Variants in LIMS2 observed in about 807,000 individuals in gnomAD.
LIMS2 encodes LIM zinc finger domain containing 2, also known as LIM and senescent cell antigen-like-containing domain protein 2.
Under a neutral mutation model 45.3 loss-of-function variants are expected in LIMS2, and 30 were observed. The observed-to-expected ratio is 0.66, with a 90% CI of 0.50 to 0.90. The LOEUF is 0.90. Among genes scored for constraint, LIMS2 ranks in the 40% least tolerant of loss-of-function variants. LIMS2 has a pLI of 0.00. For synonymous variants in LIMS2, 173 were observed against 188.0 expected (o/e 0.92, Z 0.65); for missense variants, 485 against 468.7 (o/e 1.03, Z -0.32).
chr2:127,641,905 G>C (rs539934079), intron 6 of LIMS2, 144 bp downstream of exon 6: 1 of 956,728 alleles, frequency 1.0e-6, no homozygotes, highest in Non-Finnish European at 1.5e-6. Flanking sequence ...GCACAGGGAG[G>C]GGCAGTACCC....
At chr2:127,652,047 G>T in intron 4 of LIMS2, 1 of 421,666 alleles carries the variant, frequency 2.4e-6, no homozygotes. Flanking sequence ...CCTGAACAAT[G>T]GAGGCCTTTC....
At chr2:127,665,038 G>T (rs562458103) in intron 1 of LIMS2, among the ~76,000 whole-genome samples, 1 of 152,296 alleles carries the variant, frequency 6.6e-6, no homozygotes, top group Admixed American at 6.5e-5. Context: ...GCTTCCAGGG[G>T]AGCAGACGCA....
chr2:127,639,321 C>A lies in LIMS2; in HGVS notation c.986G>T (p.Arg329Leu). The part of the protein sequence containing the change: ...RLKKLSELTS[R>L]KAQPKATDLN... ...GTCTGTGGCCTTGGGCTGGGCCTTG[C>A]GGGAGGTCAGCTCCGACAGCTTCTT... The change falls in exon 10 of 10, where the codon CGC (arginine) becomes CTC (leucine). Residue 329 changes from arginine to leucine, a missense_variant. Coordinates refer to ENST00000355119, the MANE Select transcript of LIMS2 (RefSeq NM_001161403.3). 1 of 1,613,862 alleles carries A rather than the reference C, an allele frequency of 6.2e-7. No individual in the cohort carries two copies. Among genetic ancestry groups the A allele is most frequent in the Non-Finnish European group, 8.5e-7 (1 of 1,179,904 alleles).
chr2:127,657,814 A>C (rs1321616167), intron 1 of LIMS2, among the ~76,000 whole-genome samples: 1 of 152,188 alleles, frequency 6.6e-6, no homozygotes, highest in East Asian at 1.9e-4. Context: ...AGAGTCTCGC[A>C]CACAGAACAC....
intron 1 of LIMS2, among the ~76,000 whole-genome samples, chr2:127,662,620 A>G (rs1462249356): frequency 1.9e-5 from 2 of 106,000 alleles, no homozygotes; most frequent in Non-Finnish European, 3.6e-5. Flanking sequence ...CACACACCAG[A>G]GGCTCTTGTG....
rs1269464172 is a variant in LIMS2 at position 127,664,495 on chromosome 2, G to A, written c.12-6933C>T. The stretch of plus-strand genomic sequence containing the variant: ...GCCGCCTGGGGCCAGACACCAAGAC[G>A]GGACGGGCGTGTGGGCGCCTCCCCC... On this transcript the variant is annotated intron_variant, in intron 1 of 9. Coordinates refer to ENST00000355119, the MANE Select transcript of LIMS2 (RefSeq NM_001161403.3). The surrounding 1 kb of genome is among the most constrained non-coding windows in gnomAD (Gnocchi z 5.5). The A allele has an allele frequency of 2.6e-6, 3 of 1,163,686 alleles. No homozygotes were observed. Among genetic ancestry groups the A allele is most frequent in the Non-Finnish European group, 3.2e-6 (3 of 944,494 alleles). 72.1% of individuals were successfully genotyped at this position (1,163,686 alleles called of 1,614,324 possible).
upstream of LIMS2, among the ~76,000 whole-genome samples, chr2:127,680,099 G>T (rs1002922635): frequency 6.6e-6 from 1 of 152,220 alleles, no homozygotes; most frequent in African/African-American, 2.4e-5. Flanking sequence ...GCCTTCAGCC[G>T]CCTCCTGCGA....
chr2:127,649,717 A>G (rs914410471), intron 4 of LIMS2, among the ~76,000 whole-genome samples: 1 of 152,126 alleles, frequency 6.6e-6, no homozygotes, highest in Non-Finnish European at 1.5e-5. Flanking sequence ...GGAGCACCCT[A>G]TCCAGACCCA....
In LIMS2 at chr2:127,667,082, CT is replaced by C. The variant is rs1685041099; in HGVS notation, c.11+7931del. On this transcript the variant is annotated intron_variant, in intron 1 of 9. Coordinates refer to ENST00000355119, the MANE Select transcript of LIMS2 (RefSeq NM_001161403.3). The surrounding 1 kb of genome is among the most constrained non-coding windows in gnomAD (Gnocchi z 4.1). ...GTAAAGCCAGAGCGACATGGCTTCA[CT>C]GATGAATTATATCAAAGGTTTAACT... is the stretch of plus-strand genomic sequence containing the variant. 6.6e-6 allele frequency among the ~76,000 whole-genome samples: 1 copy of C among 152,348 alleles called. No homozygotes were observed. The highest frequency in any genetic ancestry group is 2.4e-5 in the African/African-American group (1 of 41,568).
intron 1 of LIMS2, chr2:127,673,849 GC>G: frequency 2.2e-6 from 2 of 905,856 alleles, no homozygotes; most frequent in Non-Finnish European, 3.5e-6. Context: ...CAGCCAGTGG[GC>G]CTGCAGATGC....
At chr2:127,660,240 T>C (rs1684529855) in intron 1 of LIMS2, among the ~76,000 whole-genome samples, 2 of 152,070 alleles carry the variant, frequency 1.3e-5, no homozygotes, top group Non-Finnish European at 2.9e-5. Context: ...CTCTGTAAAA[T>C]GGACCAATCA....
At chr2:127,649,909 C>A in intron 4 of LIMS2, 1 of 943,124 alleles carries the variant, frequency 1.1e-6, no homozygotes, top group Non-Finnish European at 1.6e-6. Flanking sequence ...GGAAGAGATG[C>A]TGCCCCCTGG....
intron 1 of LIMS2, 175 bp downstream of exon 1, chr2:127,674,839 G>A (rs1685432721): frequency 2.0e-6 from 2 of 985,342 alleles, no homozygotes; most frequent in South Asian, 4.7e-5. Flanking sequence ...AGGCGCGGGG[G>A]CTGGGGGACC....
chr2:127,673,352 T>G (rs939421099), intron 1 of LIMS2, among the ~76,000 whole-genome samples: 1 of 152,346 alleles, frequency 6.6e-6, no homozygotes, highest in South Asian at 2.1e-4. Flanking sequence ...TAGTATTGCC[T>G]GGACGAGGAA....
chr2:127,639,985 C>A, intron 9 of LIMS2, 85 bp downstream of exon 9: 1 of 1,392,252 alleles, frequency 7.2e-7, no homozygotes. Context: ...CCAGACTCAG[C>A]TGGTGTGCAG....
chr2:127,657,721 T>C (rs187524108), intron 1 of LIMS2, among the ~76,000 whole-genome samples, 159 bp from the exon 2 acceptor site: 4 of 152,314 alleles, frequency 2.6e-5, no homozygotes, highest in East Asian at 1.9e-4. Flanking sequence ...GGCTGCTCAG[T>C]GCTTGTAGTG....
intron 1 of LIMS2, among the ~76,000 whole-genome samples, chr2:127,660,340 G>A (rs1558894051): frequency 1.3e-5 from 2 of 152,208 alleles, no homozygotes; most frequent in Admixed American, 6.5e-5. Flanking sequence ...GCTTGGTGTG[G>A]AAAGTTTGTT....
At chr2:127,651,164 C>T in intron 4 of LIMS2, 1 of 1,612,822 alleles carries the variant, frequency 6.2e-7, no homozygotes, top group Non-Finnish European at 8.5e-7. Flanking sequence ...TCAAGCTCCG[C>T]AGGCCCCTCT....
chr2:127,657,524 C>A lies in LIMS2; in HGVS notation c.50G>T (p.Arg17Leu). 1.9e-6 allele frequency: 3 copies of A among 1,611,312 alleles called. No individual in the cohort carries two copies. Among genetic ancestry groups the A allele is most frequent in the Non-Finnish European group, 2.5e-6 (3 of 1,178,808 alleles). Reference protein sequence around the residue: ...SDALANAVCQRCQARFSPAER... With the variant: ...SDALANAVCQLCQARFSPAER... ...GGCGGGGGAGAAGCGGGCCTGGCAG[C>A]GCTGGCACACGGCGTTGGCCAAGGC... Residue 17 changes from arginine (R) to leucine (L), a missense_variant, in exon 2 of 10, where the codon CGC becomes CTC. Transcript: ENST00000355119.
Sources: allele counts gnomAD v4.1 joint callset (sites outside exome capture counted in the v4.1 genomes callset), GRCh38; gene constraint gnomAD v4.1.1; non-coding constraint Gnocchi (gnomAD v3.1); transcripts MANE v1.5; gene names NCBI Gene and HGNC (gene_info 2026-07-23, HGNC 2026-07-21).